The following LRRFIP1 variants were observed in gnomAD, a reference collection of about 807,000 sequenced individuals.
LRRFIP1 encodes the protein leucine-rich repeat flightless-interacting protein 1.
LRRFIP1 carries 62 observed loss-of-function variants against 104.4 expected under a neutral mutation model. The observed-to-expected ratio is 0.59, with a 90% CI of 0.48 to 0.73. The LOEUF is 0.73. Ranked by LOEUF, LRRFIP1 falls within the 30% of genes least tolerant of loss-of-function variation. LRRFIP1 has a pLI of 0.00. For synonymous variants in LRRFIP1, 300 were observed against 299.0 expected, an observed-to-expected ratio of 1.00 and a Z score of -0.03; for missense variants, 796 against 824.5, an observed-to-expected ratio of 0.97 and a Z score of 0.42.
At chr2:237,773,253 A>G (rs749462378) in intron 22 of LRRFIP1, among the ~76,000 whole-genome samples, 38 of 152,302 alleles carry the variant, frequency 2.5e-4, no homozygotes, top group Non-Finnish European at 4.7e-4. Context: ...AATTTAGTTA[A>G]TTGGCCGAGC....
In LRRFIP1 at chr2:237,719,570, T is replaced by C; in HGVS notation, c.294+3T>C. ...GTAGATCCAGAAGAAACACATCGGT[T>C]AGTACCGTGTTCATTCATTACTTGG... On this transcript the variant is annotated splice_donor_region_variant and intron_variant, in intron 5 of 23. Transcript: ENST00000308482. The C allele has an allele frequency of 6.2e-7, 1 of 1,609,520 alleles. No individual in the cohort carries two copies. The highest frequency in any genetic ancestry group is 8.5e-7 in the Non-Finnish European group (1 of 1,176,550).
chr2:237,749,127 C>T (rs987283305), intron 12 of LRRFIP1, 72 bp from the exon 13 acceptor site: 5 of 1,508,128 alleles, frequency 3.3e-6, no homozygotes, highest in African/African-American at 2.8e-5. Flanking sequence ...ATGGGGATTA[C>T]AATTCCAGAT....
At chr2:237,629,467 CTTTTTTTTTTTT>C (rs745503726) in intron 1 of LRRFIP1, among the ~76,000 whole-genome samples, 2 of 117,374 alleles carry the variant, frequency 1.7e-5, no homozygotes, top group Non-Finnish European at 3.4e-5. Flanking sequence ...TTTCTTTCTT[CTTTTTTTTTTTT>C]TTTTTTTTTT....
chr2:237,636,307 A>G (rs2083100327), intron 1 of LRRFIP1, among the ~76,000 whole-genome samples: 1 of 150,146 alleles, frequency 6.7e-6, no homozygotes, highest in Admixed American at 6.6e-5. Flanking sequence ...TAATTTCTGT[A>G]AGACAGAACA....
Position 237,757,890 on chromosome 2 carries a change from G to A in LRRFIP1, c.1224+342G>A, listed in dbSNP as rs557545359. ...AGGTCTGATGTGTGCAAGTCCAGAC[G>A]TCTTGGGATTATCTGCCTGGTGGTG... On this transcript the variant is annotated intron_variant, in intron 17 of 23. Coordinates refer to ENST00000308482, the MANE Select transcript of LRRFIP1 (RefSeq NM_001137550.2). Among the ~76,000 whole-genome samples, 39 of 151,840 alleles carry A rather than the reference G, an allele frequency of 2.6e-4. 1 individual carries two copies. The South Asian group carries it at 6.7e-3, about 26-fold the overall frequency.
At chr2:237,627,763 C>T (rs1574957810) in intron 1 of LRRFIP1, 23 bp downstream of exon 1, 1 of 1,207,358 alleles carries the variant, frequency 8.3e-7, no homozygotes. Context: ...GGAGGGCAGC[C>T]GGGGGGCGCC....
intron 7 of LRRFIP1, among the ~76,000 whole-genome samples, chr2:237,725,751 T>C (rs78100044): frequency 0.013 from 2,024 of 152,288 alleles, 27 homozygotes; most frequent in African/African-American, 0.045. Flanking sequence ...TAGAAGGCTG[T>C]AAGTGGAAAG....
chr2:237,629,207 A>G (rs896282854), intron 1 of LRRFIP1, among the ~76,000 whole-genome samples: 1 of 152,272 alleles, frequency 6.6e-6, no homozygotes, highest in Non-Finnish European at 1.5e-5. Flanking sequence ...TTAATAAACA[A>G]AAGAAGTACA....
At chr2:237,707,399 T>TAC (rs1006083265) in intron 1 of LRRFIP1, among the ~76,000 whole-genome samples, 14 of 136,882 alleles carry the variant, frequency 1.0e-4, no homozygotes, top group Admixed American at 3.2e-4. Flanking sequence ...CACCTGTGAA[T>TAC]ACACACACAC....
intron 1 of LRRFIP1, among the ~76,000 whole-genome samples, chr2:237,701,963 G>T (rs2093558818): frequency 6.6e-6 from 1 of 152,194 alleles, no homozygotes; most frequent in African/African-American, 2.4e-5. Context: ...GGGTCACTTT[G>T]GTGCCTATCT....
At chr2:237,634,995 A>C (rs970142890) in intron 1 of LRRFIP1, among the ~76,000 whole-genome samples, 1 of 152,196 alleles carries the variant, frequency 6.6e-6, no homozygotes, top group East Asian at 1.9e-4. Context: ...TGCACCTGCC[A>C]TTCCCTCTGC....
intron 23 of LRRFIP1, among the ~76,000 whole-genome samples, chr2:237,777,960 T>C (rs74962130): frequency 0.033 from 5,010 of 152,274 alleles, 265 homozygotes; most frequent in African/African-American, 0.11. Context: ...AAAAAGTGTC[T>C]TCATTGTTGA....
At chr2:237,684,799 A>G (rs1381222458) in intron 1 of LRRFIP1, among the ~76,000 whole-genome samples, 1 of 152,082 alleles carries the variant, frequency 6.6e-6, no homozygotes, top group Non-Finnish European at 1.5e-5. Context: ...ATGAAAAACA[A>G]AATTGGGCCT....
intron 1 of LRRFIP1, among the ~76,000 whole-genome samples, chr2:237,672,075 C>G: frequency 6.6e-6 from 1 of 151,842 alleles, no homozygotes; most frequent in Non-Finnish European, 1.5e-5. Context: ...GTAAATAGTT[C>G]TTTTCAGCAG....
At chr2:237,713,854 T>C (rs2094213651) in intron 2 of LRRFIP1, among the ~76,000 whole-genome samples, 1 of 152,240 alleles carries the variant, frequency 6.6e-6, no homozygotes, top group East Asian at 1.9e-4. Flanking sequence ...TCTTTCTTCA[T>C]TATTTGTGAA....
Position 237,699,723 on chromosome 2 carries a change from C to T in LRRFIP1, c.97-8821C>T, listed in dbSNP as rs116555541. Among the ~76,000 whole-genome samples the T allele has an allele frequency of 1.0e-2, 1,521 of 152,342 alleles. 19 individuals are homozygous for T. Among genetic ancestry groups the T allele is most frequent in the Non-Finnish European group, 0.016 (1,070 of 68,034 alleles). On this transcript the variant is annotated intron_variant, in intron 1 of 23. Transcript: ENST00000308482. ...TTCCCATCGCAGGCGTGTCTGAATG[C>T]GGGATGGTTGGCCGACCTGGCCCTG...
At chr2:237,708,299 C>T (rs1236958897) in intron 1 of LRRFIP1, among the ~76,000 whole-genome samples, 1 of 152,232 alleles carries the variant, frequency 6.6e-6, no homozygotes, top group African/African-American at 2.4e-5. Flanking sequence ...GAATACATGG[C>T]ATCATATCCA....
At chr2:237,630,485 G>A (rs750309595) in intron 1 of LRRFIP1, among the ~76,000 whole-genome samples, 70 of 152,184 alleles carry the variant, frequency 4.6e-4, no homozygotes, top group Admixed American at 2.7e-3. Context: ...AATGCTAACC[G>A]AAGACAGGAA....
chr2:237,767,807 C>T (rs1292682752), intron 19 of LRRFIP1, among the ~76,000 whole-genome samples: 3 of 152,158 alleles, frequency 2.0e-5, no homozygotes, highest in East Asian at 3.8e-4. Context: ...CCCGTGGCCA[C>T]CAGCCAAGGG....
Sources: allele counts gnomAD v4.1 joint callset (sites outside exome capture counted in the v4.1 genomes callset), GRCh38; gene constraint gnomAD v4.1.1; transcripts MANE v1.5; gene names NCBI Gene and HGNC (gene_info 2026-07-23, HGNC 2026-07-21).